KYNU: variants seen among roughly 807,000 people sequenced by gnomAD.
The protein encoded by KYNU is kynureninase, also known as L-kynurenine hydrolase.
Under a neutral mutation model 59.2 loss-of-function variants are expected in KYNU, and 54 were observed. That is an observed-to-expected ratio of 0.91 (90% confidence interval 0.73 to 1.14). KYNU has a LOEUF of 1.14. Ranked by LOEUF, KYNU falls within the 50% of genes most tolerant of loss-of-function variation. The probability of loss-of-function intolerance (pLI) is 0.00; values close to 1 mark genes in which losing one functional copy is unlikely to be tolerated. For missense variants in KYNU, 567 were observed against 554.4 expected, an observed-to-expected ratio of 1.02 and a Z score of -0.23; for synonymous variants, 177 against 192.0, an observed-to-expected ratio of 0.92 and a Z score of 0.65.
intron 2 of KYNU, among the ~76,000 whole-genome samples, chr2:142,899,423 A>G (rs12473916): frequency 0.56 from 84,988 of 151,968 alleles, 24,814 homozygotes; most frequent in African/African-American, 0.71. Flanking sequence ...AGGTGGGTGC[A>G]GTCACCTTCC....
At chr2:142,934,462 G>A (rs901265262) in intron 4 of KYNU, among the ~76,000 whole-genome samples, 5 of 152,116 alleles carry the variant, frequency 3.3e-5, no homozygotes, top group African/African-American at 1.2e-4. Flanking sequence ...AGCTTTGAAA[G>A]GAGTGGAGTT....
At chr2:142,999,581 C>T (rs936166560) in intron 10 of KYNU, among the ~76,000 whole-genome samples, 1 of 152,256 alleles carries the variant, frequency 6.6e-6, no homozygotes, top group South Asian at 2.1e-4. Context: ...ATATGGGAAA[C>T]AGGCTCTCTA....
intron 1 of KYNU, among the ~76,000 whole-genome samples, chr2:142,881,916 C>CTTTTTTTTTTTT (rs869099302): frequency 1.3e-3 from 151 of 113,144 alleles, no homozygotes; most frequent in Non-Finnish European, 1.9e-3. Context: ...TTTCTTTTTT[C>CTTTTTTTTTTTT]TTTTTTTTTT....
At chr2:142,926,845 ATTAAATGTTAT>A (rs1411797762) in intron 3 of KYNU, among the ~76,000 whole-genome samples, 78 of 152,368 alleles carry the variant, frequency 5.1e-4, no homozygotes, top group African/African-American at 1.8e-3. Context: ...GTTCAACTTT[ATTAAATGTTAT>A]AATCCCTGGA....
In KYNU at chr2:142,955,145, G is replaced by C. The variant is rs149911983; in HGVS notation, c.435+274G>C. 7.7e-3 allele frequency among the ~76,000 whole-genome samples: 1,170 copies of C among 152,096 alleles called. 13 individuals are homozygous for C. The highest frequency in any genetic ancestry group is 0.026 in the African/African-American group (1,096 of 41,554). On this transcript the variant is annotated intron_variant, in intron 5 of 13. Transcript: ENST00000264170. ...TAATGGGTAAATAGGCAAACTACATGCAAGCCTACAAAACAGTGATGTACA... is the reference window on the plus strand; with the variant it reads ...TAATGGGTAAATAGGCAAACTACATCCAAGCCTACAAAACAGTGATGTACA...
At chr2:143,035,876 G>T (rs1236871548) in intron 12 of KYNU, among the ~76,000 whole-genome samples, 1 of 152,042 alleles carries the variant, frequency 6.6e-6, no homozygotes, top group African/African-American at 2.4e-5. Flanking sequence ...GGACTCAGTT[G>T]ATCTTCCCAC....
At chr2:142,912,703 CTTTTT>C (rs1163302368) in intron 2 of KYNU, among the ~76,000 whole-genome samples, 12 of 71,836 alleles carry the variant, frequency 1.7e-4, no homozygotes, top group Non-Finnish European at 2.4e-4. Flanking sequence ...TTCTTTCTTC[CTTTTT>C]TTTTTTTTTT....
chr2:143,029,872 G>A (rs1251002792), intron 11 of KYNU, among the ~76,000 whole-genome samples, 193 bp downstream of exon 11: 1 of 152,158 alleles, frequency 6.6e-6, no homozygotes, highest in Non-Finnish European at 1.5e-5. Flanking sequence ...ATGATTTTGA[G>A]TCTATCCCTT....
intron 4 of KYNU, among the ~76,000 whole-genome samples, chr2:142,935,520 G>T (rs1388100748): frequency 9.9e-5 from 15 of 152,206 alleles, no homozygotes; most frequent in Non-Finnish European, 8.8e-5. Flanking sequence ...GTCTTCTGGG[G>T]TGAGGGTGGA....
intron 10 of KYNU, among the ~76,000 whole-genome samples, chr2:143,018,581 G>A (rs1686324468): frequency 1.3e-5 from 2 of 151,300 alleles, no homozygotes; most frequent in South Asian, 2.1e-4. Flanking sequence ...GATGCCACCA[G>A]CTTTGTTATT....
At chr2:143,038,488 G>A (rs7598467) in intron 12 of KYNU, among the ~76,000 whole-genome samples, 23,935 of 152,044 alleles carry the variant, frequency 0.16, 1,967 homozygotes, top group East Asian at 0.27. Context: ...CTCCTACCAA[G>A]TTCTGTGTAA....
intron 8 of KYNU, among the ~76,000 whole-genome samples, chr2:142,963,519 A>T (rs757873239): frequency 6.6e-6 from 1 of 152,196 alleles, no homozygotes; most frequent in Non-Finnish European, 1.5e-5. Context: ...AGAAGGGCTA[A>T]GGGAGCTTTC....
intron 10 of KYNU, among the ~76,000 whole-genome samples, chr2:142,997,015 A>AC (rs564057319): frequency 6.6e-6 from 1 of 151,954 alleles, no homozygotes; most frequent in Non-Finnish European, 1.5e-5. Flanking sequence ...AACTTCAGTG[A>AC]CCCTCCTTTC....
At chr2:142,962,353 C>T (rs1031019152) in intron 8 of KYNU, among the ~76,000 whole-genome samples, 1 of 152,124 alleles carries the variant, frequency 6.6e-6, no homozygotes, top group Admixed American at 6.5e-5. Context: ...TAACAGCACC[C>T]ACCTTACAGG....
At chr2:143,022,389 G>A (rs1056761971) in intron 10 of KYNU, among the ~76,000 whole-genome samples, 3 of 151,990 alleles carry the variant, frequency 2.0e-5, no homozygotes, top group Admixed American at 6.6e-5. Context: ...TGTTCATAAT[G>A]TGTTGTTTAA....
intron 8 of KYNU, among the ~76,000 whole-genome samples, chr2:142,969,867 A>C (rs1054862494): frequency 1.3e-5 from 2 of 152,190 alleles, no homozygotes; most frequent in Non-Finnish European, 2.9e-5. Flanking sequence ...TAAAATACTT[A>C]AGTTGCCTAA....
chr2:143,013,298 C>CTCTGTGTGTG (rs72349700), intron 10 of KYNU, among the ~76,000 whole-genome samples: 1 of 149,468 alleles, frequency 6.7e-6, no homozygotes, highest in African/African-American at 2.5e-5. Flanking sequence ...GTCTCTTTCT[C>CTCTGTGTGTG]TGTGTGTGTG....
chr2:142,915,756 T>G (rs1682646844), intron 2 of KYNU, among the ~76,000 whole-genome samples: 1 of 152,192 alleles, frequency 6.6e-6, no homozygotes, highest in Non-Finnish European at 1.5e-5. Flanking sequence ...GCTGAAAATC[T>G]TGAGCTCGTA....
intron 10 of KYNU, among the ~76,000 whole-genome samples, chr2:143,017,345 A>C (rs1271341391): frequency 6.6e-6 from 1 of 151,740 alleles, no homozygotes; most frequent in African/African-American, 2.4e-5. Flanking sequence ...GCTGAAAAAA[A>C]TTACATTCCC....
Sources: allele counts gnomAD v4.1 joint callset (sites outside exome capture counted in the v4.1 genomes callset), GRCh38; gene constraint gnomAD v4.1.1; transcripts MANE v1.5; gene names NCBI Gene and HGNC (gene_info 2026-07-23, HGNC 2026-07-21).